The following WAPL variants were observed in gnomAD, a reference collection of about 807,000 sequenced individuals.
WAPL encodes the protein wings apart-like protein homolog.
Under a neutral mutation model 121.0 loss-of-function variants are expected in WAPL, and 5 were observed. That is an observed-to-expected ratio of 0.04 (90% CI 0.02 to 0.09). WAPL has a LOEUF of 0.09. Ranked by LOEUF, WAPL falls within the 10% of genes least tolerant of loss-of-function variation. The pLI is 1.00. For missense variants in WAPL, 999 were observed against 1,410.8 expected, an observed-to-expected ratio of 0.71 and a Z score of 4.68; for synonymous variants, 480 against 481.5, an observed-to-expected ratio of 1.00 and a Z score of 0.04.
rs1389674429 is a variant in WAPL, at chr10:86,436,240, TCCC to T, written c.*1300_*1302del. ...GTAAAAATTAGACTTTTAGCTATTT[TCCC>T]CAATACACACCAAACTAATATTTTT... is the stretch of plus-strand genomic sequence containing the variant. On this transcript the variant is annotated 3_prime_UTR_variant, in exon 19 of 19. Coordinates refer to ENST00000298767, the MANE Select transcript of WAPL (RefSeq NM_015045.5). 1 of 152,632 alleles carries T rather than the reference TCCC, an allele frequency of 6.6e-6. No homozygotes were observed. Among genetic ancestry groups the T allele is most frequent in the African/African-American group, 2.4e-5 (1 of 41,458 alleles). 9.5% of individuals were successfully genotyped at this position (152,632 alleles called of 1,614,324 possible).
In WAPL at chr10:86,521,777, C is replaced by T. The variant is rs779952149; in HGVS notation, c.-435G>A. On this transcript the variant is annotated 5_prime_UTR_variant, in exon 1 of 19. Coordinates refer to ENST00000298767, the MANE Select transcript of WAPL (RefSeq NM_015045.5). ...GGCCCCCACCTCCTTCCTCCAACAGCCGCTCGCTCCGTCACTCCGCTTCCC... is the reference window on the plus strand; with the variant it reads ...GGCCCCCACCTCCTTCCTCCAACAGTCGCTCGCTCCGTCACTCCGCTTCCC... 2.3e-6 allele frequency: 1 copy of T among 438,856 alleles called. No homozygotes were observed. The highest frequency in any genetic ancestry group is 1.6e-5 in the South Asian group (1 of 61,152). The allele number at this position is 438,856 out of a possible 1,614,324, so 27.2% of individuals were successfully genotyped here.
intron 10 of WAPL, 29 bp from the exon 11 acceptor site, chr10:86,460,525 G>C: frequency 6.4e-7 from 1 of 1,571,618 alleles, no homozygotes; most frequent in Non-Finnish European, 8.7e-7. Flanking sequence ...ACGTAAGTTA[G>C]TATTTATCAT....
At chr10:86,454,731 C>G (rs1841090931) in intron 12 of WAPL, among the ~76,000 whole-genome samples, 1 of 150,864 alleles carries the variant, frequency 6.6e-6, no homozygotes, top group Non-Finnish European at 1.5e-5. Context: ...GCCCGGCCGC[C>G]CAGCCTGGGA....
intron 9 of WAPL, among the ~76,000 whole-genome samples, chr10:86,465,619 T>C (rs1224423162): frequency 6.6e-6 from 1 of 152,216 alleles, no homozygotes; most frequent in African/African-American, 2.4e-5. Flanking sequence ...TCAAACAACC[T>C]TGATGTACAC....
intron 2 of WAPL, among the ~76,000 whole-genome samples, chr10:86,503,997 C>T (rs142186040): frequency 0.021 from 3,115 of 151,940 alleles, 123 homozygotes; most frequent in African/African-American, 0.071. Context: ...TGGTGAAACC[C>T]TGTCTCCACT....
rs1841788082 is a variant in WAPL at position 86,481,569 on chromosome 10, A to C, written c.1645-7596T>G. 2.6e-5 allele frequency among the ~76,000 whole-genome samples: 4 copies of C among 152,114 alleles called. No homozygotes were observed. The South Asian group carries it at 8.3e-4, about 32-fold the overall frequency. ...TGTATTTTTAGTAGAGACGGGGTTT[A>C]TCCATGTTGGTCAGGCTGCTCTCGA... On this transcript the variant is annotated intron_variant, in intron 4 of 18. Coordinates refer to ENST00000298767, the MANE Select transcript of WAPL (RefSeq NM_015045.5).
intron 12 of WAPL, among the ~76,000 whole-genome samples, chr10:86,456,743 T>A (rs1354545601): frequency 6.6e-6 from 1 of 152,256 alleles, no homozygotes; most frequent in Non-Finnish European, 1.5e-5. Context: ...TGAATGCTGG[T>A]CAGGATTACC....
Position 86,460,388 on chromosome 10 carries a change from T to A in WAPL, c.2580+11A>T. ...CTGAATAATTTTTGCCAAATAGTCATCCATACTTACACTTTCTAAAACTCG... is the reference window on the plus strand; with the variant it reads ...CTGAATAATTTTTGCCAAATAGTCAACCATACTTACACTTTCTAAAACTCG... On this transcript the variant is annotated intron_variant, in intron 11 of 18. Coordinates refer to ENST00000298767, the MANE Select transcript of WAPL (RefSeq NM_015045.5). The A allele has an allele frequency of 6.2e-7, 1 of 1,611,938 alleles. No homozygotes were observed. Among genetic ancestry groups the A allele is most frequent in the Admixed American group, 1.7e-5 (1 of 59,898 alleles).
chr10:86,458,892 T>A, intron 12 of WAPL, 97 bp downstream of exon 12: 1 of 930,222 alleles, frequency 1.1e-6, no homozygotes, highest in Non-Finnish European at 1.6e-6. Flanking sequence ...GAGCATTTCA[T>A]GGAGGAAGCT....
intron 17 of WAPL, among the ~76,000 whole-genome samples, chr10:86,441,035 C>T (rs1187990292): frequency 6.6e-6 from 1 of 152,132 alleles, no homozygotes; most frequent in African/African-American, 2.4e-5. Context: ...AGTCCTCCAG[C>T]TTCAAAAAGA....
intron 4 of WAPL, among the ~76,000 whole-genome samples, chr10:86,489,231 T>G (rs1004738574): frequency 4.6e-5 from 7 of 152,190 alleles, no homozygotes; most frequent in Admixed American, 1.3e-4. Flanking sequence ...TAAACTAACA[T>G]GTGATTCTGG....
chr10:86,447,566 C>A (rs1443975903), intron 15 of WAPL, among the ~76,000 whole-genome samples: 3 of 151,110 alleles, frequency 2.0e-5, no homozygotes, highest in African/African-American at 7.3e-5. Context: ...AAAATCTTGG[C>A]AAGAGTATGA....
rs574577132 is a variant in WAPL at position 86,518,954 on chromosome 10, A to G, written c.-22-863T>C. ...TAGGGAAAGAAACTATCCTTATCCTATCTGCCTTGTCCCGATAGTGCTGTG... is the reference window on the plus strand; with the variant it reads ...TAGGGAAAGAAACTATCCTTATCCTGTCTGCCTTGTCCCGATAGTGCTGTG... On this transcript the variant is annotated intron_variant, in intron 1 of 18. Coordinates refer to ENST00000298767, the MANE Select transcript of WAPL (RefSeq NM_015045.5). Among the ~76,000 whole-genome samples, 16 of 152,316 alleles carry G rather than the reference A, an allele frequency of 1.1e-4. No individual in the cohort carries two copies. The South Asian group carries it at 3.1e-3, about 30-fold the overall frequency.
intron 2 of WAPL, among the ~76,000 whole-genome samples, chr10:86,511,633 G>T (rs186170963): frequency 6.6e-6 from 1 of 152,124 alleles, no homozygotes; most frequent in South Asian, 2.1e-4. Flanking sequence ...TGTAAAAGTA[G>T]GAATTTAAGA....
rs761985486 is a variant in WAPL at position 86,499,991 on chromosome 10, T to C, written c.1252A>G (p.Thr418Ala). 12 of 1,614,216 alleles carry C rather than the reference T, an allele frequency of 7.4e-6. No individual in the cohort carries two copies. Among genetic ancestry groups the C allele is most frequent in the Non-Finnish European group, 9.3e-6 (11 of 1,180,026 alleles). The change falls in exon 3 of 19, where the codon ACT becomes GCT. Residue 418 changes from threonine (T) to alanine (A), a missense_variant. By Grantham distance (58) the Thr-to-Ala change is moderately conservative. This residue lies in a region of WAPL where 531 missense variants were observed against 563.1 expected (regional missense o/e 0.94). Transcript: ENST00000298767. ...KTTTRFRPSN[T>A]KSKKDVKLEF... ...AGTTTAACATCCTTTTTGGATTTAG[T>C]ATTACTAGGTCGAAATCTAGTAGTA... is the stretch of plus-strand genomic sequence containing the variant.
Position 86,446,296 on chromosome 10 carries a change from T to C in WAPL, c.3268A>G (p.Thr1090Ala). The change falls in exon 16 of 19, where the codon ACA becomes GCA. Residue 1090 changes from threonine to alanine, a missense_variant. Physicochemically the swap from Thr to Ala is moderately conservative, Grantham distance 58. Coordinates refer to ENST00000298767, the MANE Select transcript of WAPL (RefSeq NM_015045.5). ...QWVSTEKTDGTEEKHKKEEED... is the reference protein window; with the variant it reads ...QWVSTEKTDGAEEKHKKEEED... ...TCCTCCTTCTTATGTTTCTCTTCTG[T>C]ACCATCAGTCTTTTCAGTTGACACC... is the stretch of plus-strand genomic sequence containing the variant. The C allele has an allele frequency of 6.2e-7, 1 of 1,614,212 alleles. No individual in the cohort carries two copies. Among genetic ancestry groups the C allele is most frequent in the Non-Finnish European group, 8.5e-7 (1 of 1,180,034 alleles).
intron 4 of WAPL, among the ~76,000 whole-genome samples, chr10:86,485,486 G>C (rs189387838): frequency 6.6e-6 from 1 of 152,114 alleles, no homozygotes; most frequent in Non-Finnish European, 1.5e-5. Context: ...GCAGTGAGCT[G>C]AGACTGCGCC....
intron 2 of WAPL, among the ~76,000 whole-genome samples, chr10:86,504,513 A>G (rs1213983458): frequency 7.4e-6 from 1 of 135,334 alleles, no homozygotes; most frequent in Non-Finnish European, 1.6e-5. Flanking sequence ...CATCTCTACT[A>G]AAAAATACAA....
At chr10:86,452,170 G>A (rs772921699) in intron 14 of WAPL, 39 bp from the exon 15 acceptor site, 18 of 1,585,344 alleles carry the variant, frequency 1.1e-5, no homozygotes, top group Non-Finnish European at 1.4e-5. Context: ...TCAGAGATGA[G>A]TACTTAAAAC....
Sources: allele counts gnomAD v4.1 joint callset (sites outside exome capture counted in the v4.1 genomes callset), GRCh38; gene constraint gnomAD v4.1.1; regional missense constraint gnomAD v4.1.1; transcripts MANE v1.5; gene names NCBI Gene and HGNC (gene_info 2026-07-23, HGNC 2026-07-21).